Variants in PCSK5 observed in about 807,000 individuals in gnomAD.
PCSK5 encodes proprotein convertase subtilisin/kexin type 5, also known as prohormone convertase 5.
A neutral mutation model predicts 233.2 loss-of-function variants in PCSK5; 129 were observed. The ratio of observed to expected loss-of-function variants is 0.55; its 90% confidence interval spans 0.48 to 0.64. The LOEUF (loss-of-function observed/expected upper bound fraction) is 0.64. Ranked by LOEUF, PCSK5 falls within the 30% of genes least tolerant of loss-of-function variation. The pLI, the probability that PCSK5 is intolerant of heterozygous loss-of-function variation, is 0.00. For synonymous variants in PCSK5, 825 were observed against 879.2 expected, an observed-to-expected ratio of 0.94 and a Z score of 1.09; for missense variants, 2,076 against 2,430.1, an observed-to-expected ratio of 0.85 and a Z score of 3.06.
chr9:75,964,831 A>G (rs35298287), intron 2 of PCSK5, among the ~76,000 whole-genome samples: 9,659 of 151,250 alleles, frequency 0.064, 348 homozygotes, highest in Middle Eastern at 0.11. Context: ...CAAATCAACA[A>G]TTTGTTTAGG....
intron 1 of PCSK5, among the ~76,000 whole-genome samples, chr9:75,897,837 G>C (rs975100736): frequency 7.2e-5 from 11 of 152,156 alleles, no homozygotes; most frequent in Non-Finnish European, 1.6e-4. Flanking sequence ...TTTGACTCCA[G>C]TGTGAGTCTG....
intron 21 of PCSK5, among the ~76,000 whole-genome samples, chr9:76,232,980 C>T (rs1030600202): frequency 6.6e-6 from 1 of 152,166 alleles, no homozygotes; most frequent in African/African-American, 2.4e-5. Context: ...AAGTAGCATC[C>T]GAGCTACAAA....
intron 15 of PCSK5, among the ~76,000 whole-genome samples, chr9:76,179,945 C>T (rs902144879): frequency 6.6e-6 from 1 of 150,882 alleles, no homozygotes; most frequent in Non-Finnish European, 1.5e-5. Flanking sequence ...CAAATGTCTT[C>T]TCTCACGTTT....
chr9:76,260,762 G>A (rs1428926426), intron 24 of PCSK5, among the ~76,000 whole-genome samples: 1 of 152,130 alleles, frequency 6.6e-6, no homozygotes, highest in African/African-American at 2.4e-5. Flanking sequence ...ACAGGACTGT[G>A]ACATAATAAA....
At chr9:75,895,847 C>T (rs1246743819) in intron 1 of PCSK5, among the ~76,000 whole-genome samples, 2 of 152,172 alleles carry the variant, frequency 1.3e-5, no homozygotes, top group Non-Finnish European at 2.9e-5. Context: ...CTGAACACCT[C>T]CCACCCTGCT....
At chr9:75,900,865 C>G (rs933889342) in intron 1 of PCSK5, among the ~76,000 whole-genome samples, 3 of 152,062 alleles carry the variant, frequency 2.0e-5, no homozygotes, top group Non-Finnish European at 4.4e-5. Flanking sequence ...TATCCTTCCA[C>G]TAGCTGGTGA....
At chr9:76,020,764 A>G (rs1448663658) in intron 3 of PCSK5, among the ~76,000 whole-genome samples, 1 of 152,114 alleles carries the variant, frequency 6.6e-6, no homozygotes, top group African/African-American at 2.4e-5. Context: ...CGTAATTACA[A>G]TTTCAGGCAG....
At chr9:76,154,621 AATG>A (rs1407493722) in intron 10 of PCSK5, among the ~76,000 whole-genome samples, 5 of 152,318 alleles carry the variant, frequency 3.3e-5, no homozygotes, top group African/African-American at 1.2e-4. Context: ...ACTGAAATAA[AATG>A]ATGAGTTGTG....
At chr9:76,091,415 A>G (rs1484614752) in intron 7 of PCSK5, among the ~76,000 whole-genome samples, 1 of 152,070 alleles carries the variant, frequency 6.6e-6, no homozygotes, top group Non-Finnish European at 1.5e-5. Flanking sequence ...CCCCACACTT[A>G]TGACCTCATT....
At chr9:76,060,481 T>C (rs1474191960) in intron 5 of PCSK5, among the ~76,000 whole-genome samples, 1 of 152,120 alleles carries the variant, frequency 6.6e-6, no homozygotes, top group African/African-American at 2.4e-5. Context: ...AGAGGAAGGG[T>C]TGGTCTTGCA....
rs551496406 is a variant in PCSK5, at chr9:76,312,065, C to T, written c.3884+1214C>T. On this transcript the variant is annotated intron_variant, in intron 30 of 37. Coordinates refer to ENST00000674117, the MANE Select transcript of PCSK5 (RefSeq NM_001372043.1). ...AGTGGTTTAGGCTGAACAAGATTCA[C>T]GCCTGAACATCCAAGCAACTCAGGA... Among the ~76,000 whole-genome samples, 4 of 152,240 alleles carry T rather than the reference C, an allele frequency of 2.6e-5. No homozygotes were observed. In the East Asian group the frequency reaches 5.8e-4, roughly 22 times the overall value.
At chr9:76,230,404 G>T (rs558330590) in intron 21 of PCSK5, among the ~76,000 whole-genome samples, 5 of 152,246 alleles carry the variant, frequency 3.3e-5, no homozygotes, top group South Asian at 2.1e-4. Flanking sequence ...AACATGGAAG[G>T]GTTCTATATC....
intron 24 of PCSK5, among the ~76,000 whole-genome samples, chr9:76,255,203 C>T (rs1297862981): frequency 6.6e-6 from 1 of 151,996 alleles, no homozygotes; most frequent in Non-Finnish European, 1.5e-5. Flanking sequence ...GGGATGATTG[C>T]CTGAGCCCGG....
intron 1 of PCSK5, among the ~76,000 whole-genome samples, chr9:75,904,085 G>A (rs956493318): frequency 6.6e-6 from 1 of 151,910 alleles, no homozygotes; most frequent in Non-Finnish European, 1.5e-5. Flanking sequence ...GGTGCTCACG[G>A]ACCAATTTGC....
intron 2 of PCSK5, among the ~76,000 whole-genome samples, chr9:75,942,360 TGGGAGAAA>T (rs1243681382): frequency 6.6e-6 from 1 of 152,238 alleles, no homozygotes; most frequent in Middle Eastern, 3.2e-3. Context: ...TTGGCTGTGT[TGGGAGAAA>T]GGGAGAAAGG....
intron 2 of PCSK5, among the ~76,000 whole-genome samples, chr9:75,974,791 T>G (rs1488777493): frequency 6.6e-6 from 1 of 152,232 alleles, no homozygotes; most frequent in African/African-American, 2.4e-5. Context: ...TTCATGCTAC[T>G]TATTTATTTA....
intron 35 of PCSK5, among the ~76,000 whole-genome samples, chr9:76,343,682 T>C (rs1829900488): frequency 6.6e-6 from 1 of 152,162 alleles, no homozygotes; most frequent in Admixed American, 6.5e-5. Flanking sequence ...TTCTCCAGCC[T>C]GCTTTGCATG....
chr9:76,086,606 G>A (rs1407729279), intron 7 of PCSK5, among the ~76,000 whole-genome samples: 2 of 152,168 alleles, frequency 1.3e-5, no homozygotes, highest in African/African-American at 4.8e-5. Context: ...AGAAGAGAAG[G>A]TTGTTTTATT....
Position 76,359,421 on chromosome 9 carries a change from T to C in PCSK5, c.*499T>C. 1 of 161,584 alleles carries C rather than the reference T, an allele frequency of 6.2e-6. No individual in the cohort carries two copies. The highest frequency in any genetic ancestry group is 1.7e-4 in the East Asian group (1 of 5,848). 10.0% of individuals were successfully genotyped at this position (161,584 alleles called of 1,614,324 possible). On this transcript the variant is annotated 3_prime_UTR_variant, in exon 38 of 38. Coordinates refer to ENST00000674117, the MANE Select transcript of PCSK5 (RefSeq NM_001372043.1). ...CCTTTAGCTGTCTTTAGGCAGAAATTTGTTTTGTAAGGGCCAAGAAAAGAG... is the reference window on the plus strand; with the variant it reads ...CCTTTAGCTGTCTTTAGGCAGAAATCTGTTTTGTAAGGGCCAAGAAAAGAG...
Sources: gnomAD v4.1 joint callset for allele counts (sites outside exome capture counted in the v4.1 genomes callset) on GRCh38, gnomAD v4.1.1 for gene constraint, MANE v1.5 for transcripts, NCBI Gene and HGNC (gene_info 2026-07-23, HGNC 2026-07-21) for gene names.